Variants in CLEC16A observed in about 807,000 individuals in gnomAD.
The protein encoded by CLEC16A is protein CLEC16A.
CLEC16A carries 51 observed loss-of-function variants against 109.5 expected under a neutral mutation model. The ratio of observed to expected loss-of-function variants is 0.47; its 90% CI spans 0.37 to 0.59. The LOEUF is 0.59. Among genes scored for constraint, CLEC16A ranks in the 20% least tolerant of loss-of-function variants. The probability of loss-of-function intolerance (pLI) is 0.00; values close to 1 mark genes in which losing one functional copy is unlikely to be tolerated. For missense variants in CLEC16A, 1,339 were observed against 1,394.0 expected (o/e 0.96, Z 0.63); for synonymous variants, 673 against 564.2 (o/e 1.19, Z -2.73).
At chr16:11,169,579 G>A (rs866927838) in intron 23 of CLEC16A, among the ~76,000 whole-genome samples, 2 of 152,168 alleles carry the variant, frequency 1.3e-5, no homozygotes, top group South Asian at 2.1e-4. Context: ...GAGCCATCAC[G>A]CCTGGCCCTC....
At chr16:11,158,709 G>A (rs1006135259) in intron 22 of CLEC16A, among the ~76,000 whole-genome samples, 5 of 151,948 alleles carry the variant, frequency 3.3e-5, no homozygotes, top group African/African-American at 1.2e-4. Context: ...GATCACTTTA[G>A]GTCAGGAGTT....
At chr16:11,169,530 AC>A (rs2068416589) in intron 23 of CLEC16A, among the ~76,000 whole-genome samples, 1 of 152,044 alleles carries the variant, frequency 6.6e-6, no homozygotes, top group East Asian at 1.9e-4. Context: ...CAAGTGATCC[AC>A]CCACCTCAGC....
intron 1 of CLEC16A, among the ~76,000 whole-genome samples, chr16:10,949,340 C>A (rs2041602719): frequency 6.6e-6 from 1 of 152,110 alleles, no homozygotes; most frequent in African/African-American, 2.4e-5. Context: ...GGCCTTCCCA[C>A]CATCTAGTTT....
intron 22 of CLEC16A, among the ~76,000 whole-genome samples, chr16:11,165,724 G>T (rs575228233): frequency 6.6e-6 from 1 of 152,146 alleles, no homozygotes; most frequent in South Asian, 2.1e-4. Context: ...AAGATGAGGG[G>T]CTCGTTCATC....
At chr16:11,027,885 CTG>C in intron 13 of CLEC16A, 2 of 626,488 alleles carry the variant, frequency 3.2e-6, no homozygotes, top group Non-Finnish European at 5.7e-6. Context: ...TCTTCAAAAA[CTG>C]GAAAGGAAGG....
chr16:11,168,559 G>A (rs1249909249), intron 23 of CLEC16A, among the ~76,000 whole-genome samples: 2 of 152,222 alleles, frequency 1.3e-5, no homozygotes, highest in African/African-American at 4.8e-5. Context: ...ATGCCCGGTG[G>A]GCAGCCTGGG....
intron 13 of CLEC16A, among the ~76,000 whole-genome samples, chr16:11,033,154 T>A (rs571623533): frequency 4.4e-4 from 67 of 152,172 alleles, no homozygotes; most frequent in African/African-American, 1.5e-3. Context: ...GCTGATGGAT[T>A]GAATGTAGGG....
intron 11 of CLEC16A, among the ~76,000 whole-genome samples, chr16:11,016,808 A>C (rs1474570478): frequency 1.3e-5 from 2 of 152,216 alleles, no homozygotes; most frequent in African/African-American, 4.8e-5. Flanking sequence ...ACAATGAAAT[A>C]AGTACAAAAC....
At chr16:11,134,916 C>T (rs1238157293) in intron 22 of CLEC16A, among the ~76,000 whole-genome samples, 1 of 152,228 alleles carries the variant, frequency 6.6e-6, no homozygotes, top group East Asian at 1.9e-4. Flanking sequence ...GGCATAGGCC[C>T]ACATCCTCGT....
intron 19 of CLEC16A, among the ~76,000 whole-genome samples, chr16:11,113,021 C>T (rs1323134967): frequency 2.6e-5 from 4 of 152,238 alleles, no homozygotes; most frequent in Non-Finnish European, 5.9e-5. Flanking sequence ...CCAGTAGGCA[C>T]CAGACTGTGC....
In CLEC16A at chr16:11,178,601, C is replaced by G. The variant is rs779753971; in HGVS notation, c.3073C>G (p.Pro1025Ala). The change falls in exon 24 of 24, where the codon CCC becomes GCC. Residue 1025 changes from proline to alanine, a missense_variant. By Grantham distance (27) the Pro-to-Ala change is conservative. Around this residue, in one of 3 missense-constraint regions of CLEC16A, gnomAD observed 1,061 missense variants for 1,006.8 expected, o/e 1.05. Transcript: ENST00000409790. The surrounding 1 kb of genome is among the most constrained non-coding windows in gnomAD (Gnocchi z 6.5). ...PHSLRSLTGM[P>A]PLSTPAAACT... ...CAGCCTCCGCAGCCTCACCGGCATG[C>G]CCCCGCTGTCCACGCCGGCTGCCGC... 6.2e-7 allele frequency: 1 copy of G among 1,606,700 alleles called. No individual in the cohort carries two copies. The highest frequency in any genetic ancestry group is 8.5e-7 in the Non-Finnish European group (1 of 1,178,718).
intron 22 of CLEC16A, chr16:11,157,332 G>A (rs1017557200): frequency 2.6e-6 from 2 of 774,624 alleles, no homozygotes; most frequent in African/African-American, 1.8e-5. Context: ...GGTGCCTGAT[G>A]TGTAGACCTG....
chr16:11,003,280 C>T lies in CLEC16A; in HGVS notation c.1278C>T (p.Gly426=). ...KAKGTEGGSK[G]IKTSGESEEI... The stretch of plus-strand genomic sequence containing the variant: ...AAGGTACAGAGGGTGGTTCAAAAGG[C>T]ATCAAGACGAGTGGGGAGAGTGAAG... The change falls in exon 11 of 24, where the codon GGC becomes GGT. Residue 426 remains glycine (G), a synonymous_variant. Transcript: ENST00000409790. 6 of 1,612,318 alleles carry T rather than the reference C, an allele frequency of 3.7e-6. No individual in the cohort carries two copies. The highest frequency in any genetic ancestry group is 5.1e-6 in the Non-Finnish European group (6 of 1,179,758).
At chr16:11,134,806 T>G (rs1437113801) in intron 22 of CLEC16A, among the ~76,000 whole-genome samples, 3 of 152,224 alleles carry the variant, frequency 2.0e-5, no homozygotes, top group Non-Finnish European at 4.4e-5. Flanking sequence ...TCTCAGAATG[T>G]CAGAGATCAG....
intron 19 of CLEC16A, among the ~76,000 whole-genome samples, chr16:11,096,442 T>C (rs1297937376): frequency 6.6e-6 from 1 of 152,210 alleles, no homozygotes; most frequent in African/African-American, 2.4e-5. Context: ...CTTCCAGACC[T>C]GTGTCCCAAG....
chr16:11,096,809 C>T (rs896943748), intron 19 of CLEC16A, among the ~76,000 whole-genome samples: 4 of 152,104 alleles, frequency 2.6e-5, no homozygotes, highest in African/African-American at 9.7e-5. Flanking sequence ...ATCATGTCTT[C>T]TATGAAAGAT....
At chr16:10,948,566 C>T (rs1186137984) in intron 1 of CLEC16A, among the ~76,000 whole-genome samples, 1 of 152,196 alleles carries the variant, frequency 6.6e-6, no homozygotes, top group African/African-American at 2.4e-5. Flanking sequence ...ATCATCTTTA[C>T]CAGGGACTGC....
chr16:10,989,651 C>G (rs1340882071), intron 10 of CLEC16A, among the ~76,000 whole-genome samples: 3 of 152,198 alleles, frequency 2.0e-5, no homozygotes, highest in Non-Finnish European at 4.4e-5. Context: ...AGGACATTGA[C>G]AGTCTGTCTG....
chr16:10,945,192 A>C (rs919752445), intron 1 of CLEC16A, among the ~76,000 whole-genome samples: 1 of 152,168 alleles, frequency 6.6e-6, no homozygotes, highest in Non-Finnish European at 1.5e-5. Context: ...GTCCGAATCT[A>C]TCTGTGTGAA....
Sources: allele counts gnomAD v4.1 joint callset (sites outside exome capture counted in the v4.1 genomes callset), GRCh38; gene constraint gnomAD v4.1.1; regional missense constraint gnomAD v4.1.1; non-coding constraint Gnocchi (gnomAD v3.1); transcripts MANE v1.5; gene names NCBI Gene and HGNC (gene_info 2026-07-23, HGNC 2026-07-21).